KIAA0825: variants seen among roughly 807,000 people sequenced by gnomAD.
KIAA0825 encodes the protein uncharacterized protein KIAA0825.
Under a neutral mutation model 147.6 loss-of-function variants are expected in KIAA0825, and 119 were observed. That is an observed-to-expected ratio of 0.81 (90% CI 0.69 to 0.94). KIAA0825 has a LOEUF of 0.94. Ranked by LOEUF, KIAA0825 falls within the 40% of genes least tolerant of loss-of-function variation. The probability of loss-of-function intolerance (pLI) is 0.00; values close to 1 mark genes in which losing one functional copy is unlikely to be tolerated. For missense variants in KIAA0825, 1,381 were observed against 1,472.7 expected (o/e 0.94, Z 1.02); for synonymous variants, 470 against 518.1 (o/e 0.91, Z 1.26).
chr5:94,235,626 C>T (rs1774998575), intron 20 of KIAA0825, among the ~76,000 whole-genome samples: 1 of 152,224 alleles, frequency 6.6e-6, no homozygotes, highest in Non-Finnish European at 1.5e-5. Context: ...GTAGATGAAA[C>T]AGCCTTCTAT....
At chr5:94,590,034 G>C (rs1462465172) in intron 1 of KIAA0825, among the ~76,000 whole-genome samples, 1 of 152,060 alleles carries the variant, frequency 6.6e-6, no homozygotes, top group Non-Finnish European at 1.5e-5. Context: ...CTGTCACCCA[G>C]GCTGGAGTGG....
At chr5:94,446,917 AC>A (rs1757802175) in intron 13 of KIAA0825, among the ~76,000 whole-genome samples, 1 of 152,112 alleles carries the variant, frequency 6.6e-6, no homozygotes, top group Admixed American at 6.6e-5. Context: ...CTAAGGTGAA[AC>A]TGGTACTATG....
intron 20 of KIAA0825, among the ~76,000 whole-genome samples, chr5:94,218,744 C>T (rs1773420086): frequency 6.6e-6 from 1 of 152,192 alleles, no homozygotes; most frequent in South Asian, 2.1e-4. Flanking sequence ...CCTTCCTCCT[C>T]ACTGCATATT....
chr5:94,602,564 T>C lies in KIAA0825; in HGVS notation c.-153+15936A>G, dbSNP rs138789118. On this transcript the variant is annotated intron_variant, in intron 1 of 20. Coordinates refer to ENST00000682413, the MANE Select transcript of KIAA0825 (RefSeq NM_001145678.3). ...GAAGTAATTGAATCAAGGGAGTGCT[T>C]ACCCTCATGCTGTTCTCATGATAGT... Among the ~76,000 whole-genome samples, 1,097 of 152,256 alleles carry C rather than the reference T, an allele frequency of 7.2e-3. 9 individuals are homozygous for C. Among genetic ancestry groups the C allele is most frequent in the South Asian group, 0.018 (89 of 4,828 alleles).
chr5:94,572,369 A>C (rs1170669067), intron 2 of KIAA0825, among the ~76,000 whole-genome samples: 1 of 152,156 alleles, frequency 6.6e-6, no homozygotes, highest in Non-Finnish European at 1.5e-5. Flanking sequence ...TTTACCTTAC[A>C]ATCCTTCTGG....
At chr5:94,542,039 G>A (rs1378255422) in intron 2 of KIAA0825, among the ~76,000 whole-genome samples, 1 of 152,158 alleles carries the variant, frequency 6.6e-6, no homozygotes, top group African/African-American at 2.4e-5. Flanking sequence ...AACTGTGACT[G>A]TCCTAAGATG....
In KIAA0825 at chr5:94,172,563, C is replaced by T. The variant is rs1359994510; in HGVS notation, c.3711-18439G>A. Among the ~76,000 whole-genome samples the T allele has an allele frequency of 2.0e-5, 3 of 152,132 alleles. No individual in the cohort carries two copies. In the East Asian group the frequency reaches 5.8e-4, roughly 29 times the overall value. On this transcript the variant is annotated intron_variant, in intron 20 of 20. Coordinates refer to ENST00000682413, the MANE Select transcript of KIAA0825 (RefSeq NM_001145678.3). ...TGGTTAGTTCTGGCTCACAGTATCT[C>T]ATATGTTTGTAGTCAAAATGACCCA...
At chr5:94,487,391 G>A (rs1763183116) in intron 5 of KIAA0825, among the ~76,000 whole-genome samples, 1 of 152,086 alleles carries the variant, frequency 6.6e-6, no homozygotes, top group Admixed American at 6.5e-5. Flanking sequence ...CAATTTATGG[G>A]GAAAATAATT....
At chr5:94,168,398 G>A (rs1768267245) in intron 20 of KIAA0825, among the ~76,000 whole-genome samples, 1 of 152,092 alleles carries the variant, frequency 6.6e-6, no homozygotes, top group Non-Finnish European at 1.5e-5. Flanking sequence ...ACAATCTGCA[G>A]GACAACTTAA....
chr5:94,199,763 G>A (rs1404367537), intron 20 of KIAA0825, among the ~76,000 whole-genome samples: 2 of 152,188 alleles, frequency 1.3e-5, no homozygotes, highest in Non-Finnish European at 1.5e-5. Context: ...CTGCAGGCAA[G>A]TGCATGCTGG....
intron 1 of KIAA0825, among the ~76,000 whole-genome samples, chr5:94,606,957 A>C (rs377444148): frequency 6.6e-6 from 1 of 152,108 alleles, no homozygotes; most frequent in East Asian, 1.9e-4. Context: ...ACCAGCTCTC[A>C]AGTGAATTCA....
At chr5:94,408,450 A>G (rs1418147476) in intron 15 of KIAA0825, among the ~76,000 whole-genome samples, 2 of 152,082 alleles carry the variant, frequency 1.3e-5, no homozygotes, top group Non-Finnish European at 2.9e-5. Flanking sequence ...CCTGGGTTCA[A>G]GCAATTCTGC....
intron 15 of KIAA0825, among the ~76,000 whole-genome samples, chr5:94,407,285 G>A (rs1584401743): frequency 1.3e-5 from 2 of 152,172 alleles, no homozygotes; most frequent in East Asian, 3.9e-4. Context: ...GTTGCAAACT[G>A]TGTGTGTGCT....
intron 20 of KIAA0825, among the ~76,000 whole-genome samples, chr5:94,226,302 A>C (rs188937423): frequency 6.6e-6 from 1 of 152,314 alleles, no homozygotes; most frequent in Non-Finnish European, 1.5e-5. Flanking sequence ...ATGCAAATCA[A>C]AACCACAATG....
At chr5:94,256,000 C>T (rs1348941081) in intron 20 of KIAA0825, among the ~76,000 whole-genome samples, 1 of 151,956 alleles carries the variant, frequency 6.6e-6, no homozygotes, top group South Asian at 2.1e-4. Context: ...AGATGTAAGC[C>T]ACCACACTTG....
chr5:94,554,507 C>G (rs903027540), intron 2 of KIAA0825, among the ~76,000 whole-genome samples: 2 of 151,528 alleles, frequency 1.3e-5, no homozygotes, highest in Admixed American at 1.3e-4. Flanking sequence ...CATATTTAGT[C>G]AGAAAGTAAT....
At chr5:94,499,595 G>C (rs191560127) in intron 5 of KIAA0825, among the ~76,000 whole-genome samples, 2,335 of 142,022 alleles carry the variant, frequency 0.016, 108 homozygotes, top group African/African-American at 0.056. Context: ...TGGGGGGGGG[G>C]GGGGACCAAG....
intron 2 of KIAA0825, among the ~76,000 whole-genome samples, chr5:94,546,402 C>A (rs1774368037): frequency 6.6e-6 from 1 of 152,030 alleles, no homozygotes; most frequent in African/African-American, 2.4e-5. Flanking sequence ...GTTACAGCAG[C>A]CCTTAGGCAA....
chr5:94,577,962 T>C (rs1427071371), intron 2 of KIAA0825, among the ~76,000 whole-genome samples: 1 of 152,210 alleles, frequency 6.6e-6, no homozygotes, highest in African/African-American at 2.4e-5. Context: ...GCACTAAACT[T>C]AACTGGTTAA....
Sources: gnomAD v4.1 joint callset for allele counts (sites outside exome capture counted in the v4.1 genomes callset) on GRCh38, gnomAD v4.1.1 for gene constraint, MANE v1.5 for transcripts, NCBI Gene and HGNC (gene_info 2026-07-23, HGNC 2026-07-21) for gene names.